Variants in PKIB observed in about 807,000 individuals in gnomAD.
PKIB encodes the protein cAMP-dependent protein kinase inhibitor beta.
Under a neutral mutation model 4.5 loss-of-function variants are expected in PKIB, and 2 were observed. That is an observed-to-expected ratio of 0.44 (90% CI 0.18 to 1.39). The LOEUF is 1.39. PKIB is among the 40% of genes most tolerant of loss of function. The pLI is 0.27. For missense variants in PKIB, 94 were observed against 92.6 expected (o/e 1.02, Z -0.06); for synonymous variants, 38 against 36.0 (o/e 1.06, Z -0.20).
intron 4 of PKIB, among the ~76,000 whole-genome samples, chr6:122,723,014 A>C (rs990879101): frequency 6.6e-6 from 1 of 151,950 alleles, no homozygotes; most frequent in Non-Finnish European, 1.5e-5. Context: ...CTTTCCTGTA[A>C]CGTTTCTCTT....
At chr6:122,520,516 A>G (rs1319193683) in intron 2 of PKIB, among the ~76,000 whole-genome samples, 1 of 152,150 alleles carries the variant, frequency 6.6e-6, no homozygotes, top group Non-Finnish European at 1.5e-5. Context: ...AAATTGAGAT[A>G]ATTGGCACAC....
Position 122,581,091 on chromosome 6 carries a change from C to T in PKIB, c.-247-4830C>T, listed in dbSNP as rs529024495. Among the ~76,000 whole-genome samples the T allele has an allele frequency of 4.6e-5, 7 of 152,168 alleles. No individual in the cohort carries two copies. The East Asian group carries it at 7.7e-4, about 17-fold the overall frequency. On this transcript the variant is annotated intron_variant, in intron 2 of 6. Coordinates refer to the PKIB transcript ENST00000392491. Reference sequence around the variant, plus strand: ...CAGGGACTTTTAGTTATTGCACAGGCGGAATATCAACTAACTCTTCAAATA... The same window carrying T: ...CAGGGACTTTTAGTTATTGCACAGGTGGAATATCAACTAACTCTTCAAATA...
intron 3 of PKIB, among the ~76,000 whole-genome samples, chr6:122,601,543 C>A (rs1040099770): frequency 3.3e-5 from 5 of 152,130 alleles, no homozygotes; most frequent in African/African-American, 4.8e-5. Flanking sequence ...CGTGGGTCCA[C>A]TTATCTGTAG....
intron 3 of PKIB, among the ~76,000 whole-genome samples, chr6:122,682,383 C>T (rs552312280): frequency 2.5e-4 from 38 of 152,090 alleles, no homozygotes; most frequent in Admixed American, 1.4e-3. Context: ...GTGTCTGTGT[C>T]TAAATACTGT....
intron 1 of PKIB, among the ~76,000 whole-genome samples, chr6:122,475,063 T>C (rs984060171): frequency 6.6e-6 from 1 of 152,184 alleles, no homozygotes; most frequent in Non-Finnish European, 1.5e-5. Context: ...AGACGTAGGC[T>C]TGCTCTATTG....
chr6:122,573,542 AAG>A (rs1450726718), intron 2 of PKIB, among the ~76,000 whole-genome samples: 12 of 151,396 alleles, frequency 7.9e-5, no homozygotes, highest in African/African-American at 2.2e-4. Flanking sequence ...AAAAAAGAAA[AAG>A]AAAAAAAAAA....
intron 1 of PKIB, among the ~76,000 whole-genome samples, chr6:122,613,790 C>T (rs1288677508): frequency 6.6e-6 from 1 of 151,540 alleles, no homozygotes; most frequent in Non-Finnish European, 1.5e-5. Flanking sequence ...ATGGTGAAAC[C>T]CCGTCTCTCT....
At chr6:122,608,932 A>C (rs1774636109), upstream of PKIB, among the ~76,000 whole-genome samples, 1 of 152,116 alleles carries the variant, frequency 6.6e-6, no homozygotes, top group South Asian at 2.1e-4. Flanking sequence ...AAATAAATAA[A>C]CCTTAGAATA....
At chr6:122,702,525 C>T (rs1056581279) in intron 3 of PKIB, among the ~76,000 whole-genome samples, 7 of 151,776 alleles carry the variant, frequency 4.6e-5, no homozygotes, top group East Asian at 3.9e-4. Context: ...GACAAGTTTT[C>T]GCCATGTTGG....
intron 2 of PKIB, chr6:122,585,694 A>T (rs1211704630): frequency 1.3e-5 from 2 of 152,026 alleles, no homozygotes; most frequent in East Asian, 3.8e-4. Context: ...AATAGTTAAA[A>T]CCTAATTTCT....
intron 1 of PKIB, among the ~76,000 whole-genome samples, chr6:122,614,747 A>G (rs2114770428): frequency 6.6e-6 from 1 of 152,284 alleles, no homozygotes; most frequent in South Asian, 2.1e-4. Flanking sequence ...AGAAGAAAAC[A>G]CCATTCTTAA....
chr6:122,550,373 C>CTA (rs1185415234), intron 2 of PKIB, among the ~76,000 whole-genome samples: 5 of 152,130 alleles, frequency 3.3e-5, no homozygotes, highest in African/African-American at 1.2e-4. Context: ...TTGTTTACAT[C>CTA]TATATTTATT....
chr6:122,500,587 A>G (rs986726859), intron 2 of PKIB, among the ~76,000 whole-genome samples: 3 of 152,198 alleles, frequency 2.0e-5, no homozygotes, highest in Non-Finnish European at 2.9e-5. Flanking sequence ...GAGGATTAAG[A>G]ACTTACCCCT....
chr6:122,541,334 C>T (rs1777591047), intron 2 of PKIB, among the ~76,000 whole-genome samples: 1 of 151,990 alleles, frequency 6.6e-6, no homozygotes, highest in Non-Finnish European at 1.5e-5. Context: ...TTGTTCCTTT[C>T]CATGTTTAGT....
At chr6:122,486,969 C>T (rs1470755445) in intron 2 of PKIB, among the ~76,000 whole-genome samples, 3 of 151,984 alleles carry the variant, frequency 2.0e-5, no homozygotes, top group Admixed American at 6.6e-5. Flanking sequence ...TTTTCTGAAT[C>T]AATTAAAAAT....
At chr6:122,673,304 G>T (rs1374611030) in intron 2 of PKIB, among the ~76,000 whole-genome samples, 1 of 152,002 alleles carries the variant, frequency 6.6e-6, no homozygotes, top group Non-Finnish European at 1.5e-5. Context: ...GTTTCTACTA[G>T]ATCTTTGCCA....
intron 2 of PKIB, among the ~76,000 whole-genome samples, chr6:122,540,085 G>T (rs151325581): frequency 2.6e-5 from 4 of 151,856 alleles, no homozygotes; most frequent in Middle Eastern, 3.4e-3. Context: ...TTCTTTATTA[G>T]TCTTGCTAGC....
At chr6:122,486,178 T>G (rs980276846) in intron 2 of PKIB, among the ~76,000 whole-genome samples, 3 of 152,216 alleles carry the variant, frequency 2.0e-5, no homozygotes, top group African/African-American at 7.2e-5. Context: ...CTGTCCCTAT[T>G]AAACTTGTGA....
At chr6:122,685,517 A>G (rs1459495940) in intron 3 of PKIB, among the ~76,000 whole-genome samples, 1 of 151,948 alleles carries the variant, frequency 6.6e-6, no homozygotes. Context: ...ATTAGTTTTT[A>G]TTGGCTTTTT....
Sources: allele counts gnomAD v4.1 joint callset (sites outside exome capture counted in the v4.1 genomes callset), GRCh38; gene constraint gnomAD v4.1.1; transcripts MANE v1.5; gene names NCBI Gene and HGNC (gene_info 2026-07-23, HGNC 2026-07-21).